The following CPE variants were observed in gnomAD, a reference collection of about 807,000 sequenced individuals.
CPE encodes the protein carbocypeptidase E.
CPE carries 17 observed loss-of-function variants against 53.5 expected under a neutral mutation model. The observed-to-expected ratio is 0.32, with a 90% CI of 0.22 to 0.48. CPE has a LOEUF of 0.48. Among genes scored for constraint, CPE ranks in the 20% least tolerant of loss-of-function variants. CPE has a pLI of 0.99. For synonymous variants in CPE, 226 were observed against 228.8 expected (o/e 0.99, Z 0.11); for missense variants, 524 against 614.7 (o/e 0.85, Z 1.56).
rs192827605 is a variant in CPE, at chr4:165,466,709, G to A, written c.505-979G>A. ...TTTTTTATATTTTTATTAGAGACGG[G>A]GTTTCATCATGTTGGCCAGGATGGT... On this transcript the variant is annotated intron_variant, in intron 2 of 8. Transcript: ENST00000402744. Among the ~76,000 whole-genome samples, 175 of 151,972 alleles carry A rather than the reference G, an allele frequency of 1.2e-3. 1 individual carries two copies. The highest frequency in any genetic ancestry group is 4.0e-3 in the African/African-American group (166 of 41,450).
chr4:165,389,188 T>C (rs1730642378), intron 1 of CPE, among the ~76,000 whole-genome samples: 1 of 152,218 alleles, frequency 6.6e-6, no homozygotes, highest in Non-Finnish European at 1.5e-5. Context: ...CTAAATAGAC[T>C]GAAATACGAT....
intron 1 of CPE, among the ~76,000 whole-genome samples, chr4:165,431,786 A>G (rs2126679970): frequency 6.6e-6 from 1 of 152,298 alleles, no homozygotes; most frequent in South Asian, 2.1e-4. Context: ...GTAAAGTGTG[A>G]TAAGGAGCCA....
At chr4:165,442,533 C>T (rs1347470636) in intron 1 of CPE, among the ~76,000 whole-genome samples, 1 of 152,108 alleles carries the variant, frequency 6.6e-6, no homozygotes, top group South Asian at 2.1e-4. Flanking sequence ...GCCCCATAAA[C>T]ATCAAAACAT....
rs1486239496 is a variant in CPE, at chr4:165,379,824, G to A, written c.307+296G>A. The stretch of plus-strand genomic sequence containing the variant: ...TAGGCTTGGGAGGCTGGGGTGGCGG[G>A]GGATGGGGGGGATAGCAATACAGAA... On this transcript the variant is annotated intron_variant, in intron 1 of 8. Transcript: ENST00000402744. This position sits in a 1 kb window ranked among gnomAD's most constrained non-coding sequence, Gnocchi z 6.0. 6.6e-6 allele frequency among the ~76,000 whole-genome samples: 1 copy of A among 152,142 alleles called. No homozygotes were observed. Among genetic ancestry groups the A allele is most frequent in the Non-Finnish European group, 1.5e-5 (1 of 68,040 alleles).
At chr4:165,493,529 A>C (rs1732646770) in intron 7 of CPE, among the ~76,000 whole-genome samples, 2 of 152,078 alleles carry the variant, frequency 1.3e-5, no homozygotes, top group Non-Finnish European at 2.9e-5. Context: ...CAGAGCTGGG[A>C]GGTGGTGCCA....
In CPE at chr4:165,467,797, G is replaced by T; in HGVS notation, c.614G>T (p.Gly205Val). The change falls in exon 3 of 9, where the codon GGT becomes GTT. Residue 205 changes from glycine to valine, a missense_variant. Coordinates refer to ENST00000402744, the MANE Select transcript of CPE (RefSeq NM_001873.4). ...ATAGTGTACGTGAATGAGAAAGAAGGTGGTCCAAATAATCATCTGTTGAAA... is the reference window on the plus strand; with the variant it reads ...ATAGTGTACGTGAATGAGAAAGAAGTTGGTCCAAATAATCATCTGTTGAAA... Reference protein sequence around the residue: ...DRIVYVNEKEGGPNNHLLKNM... With the variant: ...DRIVYVNEKEVGPNNHLLKNM... 1 of 1,613,770 alleles carries T rather than the reference G, an allele frequency of 6.2e-7. No homozygotes were observed. The highest frequency in any genetic ancestry group is 8.5e-7 in the Non-Finnish European group (1 of 1,179,824).
At chr4:165,431,561 G>A (rs1451943160) in intron 1 of CPE, among the ~76,000 whole-genome samples, 1 of 152,120 alleles carries the variant, frequency 6.6e-6, no homozygotes, top group Non-Finnish European at 1.5e-5. Context: ...AATAATAGGG[G>A]GAGATTTTCT....
Position 165,482,373 on chromosome 4 carries a change from C to G in CPE, c.790+14C>G, listed in dbSNP as rs745606793. Reference sequence around the variant, plus strand: ...AGACGCGGAGTGGTAGGTATTCTTTCTGCTTCTCTTATTGGTTCAAAGTTT... The same window carrying G: ...AGACGCGGAGTGGTAGGTATTCTTTGTGCTTCTCTTATTGGTTCAAAGTTT... On this transcript the variant is annotated intron_variant, in intron 4 of 8. Coordinates refer to ENST00000402744, the MANE Select transcript of CPE (RefSeq NM_001873.4). 1 of 1,547,962 alleles carries G rather than the reference C, an allele frequency of 6.5e-7. No homozygotes were observed.
intron 1 of CPE, among the ~76,000 whole-genome samples, chr4:165,455,548 A>T (rs932683554): frequency 3.3e-5 from 5 of 152,212 alleles, no homozygotes; most frequent in Non-Finnish European, 5.9e-5. Flanking sequence ...CTACAGAAAG[A>T]TTTCAAATCA....
At chr4:165,385,422 A>T (rs60185722) in intron 1 of CPE, among the ~76,000 whole-genome samples, 43,249 of 92,508 alleles carry the variant, frequency 0.47, 8,920 homozygotes, top group African/African-American at 0.68. Flanking sequence ...TTACTGTTTT[A>T]TTTTTGTTCA....
At chr4:165,492,514 G>C (rs866955979) in intron 6 of CPE, among the ~76,000 whole-genome samples, 1 of 152,078 alleles carries the variant, frequency 6.6e-6, no homozygotes, top group Non-Finnish European at 1.5e-5. Flanking sequence ...TTATTCAGCC[G>C]GGAGCATCGT....
chr4:165,449,543 G>T (rs1560885816), intron 1 of CPE, among the ~76,000 whole-genome samples: 1 of 152,152 alleles, frequency 6.6e-6, no homozygotes, highest in Non-Finnish European at 1.5e-5. Flanking sequence ...AGTGTGGTTG[G>T]TTGAGTGTTG....
At position 165,464,603 on chromosome 4, in the gene CPE, T is replaced by A; in HGVS notation, c.504+17T>A. Reference sequence around the variant, plus strand: ...GCGTCTCAGGTGAGTGCCAGGCAGCTCAGATCAGGCGTGCTTTCTTCATTT... The same window carrying A: ...GCGTCTCAGGTGAGTGCCAGGCAGCACAGATCAGGCGTGCTTTCTTCATTT... On this transcript the variant is annotated intron_variant, in intron 2 of 8. Transcript: ENST00000402744. 6.3e-7 allele frequency: 1 copy of A among 1,590,790 alleles called. No individual in the cohort carries two copies. Among genetic ancestry groups the A allele is most frequent in the Non-Finnish European group, 8.6e-7 (1 of 1,168,446 alleles).
rs1171853864 is a variant in CPE at position 165,459,686 on chromosome 4, G to T, written c.308-4704G>T. Among the ~76,000 whole-genome samples the T allele has an allele frequency of 2.7e-3, 311 of 116,574 alleles. 18 individuals carry two copies. Among genetic ancestry groups the T allele is most frequent in the African/African-American group, 0.01 (253 of 25,226 alleles). The allele number at this position is 116,574 out of a possible 152,430, so 76.5% of individuals were successfully genotyped here. A position where few individuals can be genotyped will look rare whatever the true frequency, so the allele number is the denominator to read the frequency against. On this transcript the variant is annotated intron_variant, in intron 1 of 8. Transcript: ENST00000402744. Reference sequence around the variant, plus strand: ...TGGGAGGGCTGGGTGGGGGGGGGCGGGGCAGATCATGAGGTCAGGAGGAGT... The same window carrying T: ...TGGGAGGGCTGGGTGGGGGGGGGCGTGGCAGATCATGAGGTCAGGAGGAGT...
chr4:165,491,126 A>G (rs1732596429), intron 6 of CPE, among the ~76,000 whole-genome samples: 1 of 152,196 alleles, frequency 6.6e-6, no homozygotes. Context: ...TTCTTTAACT[A>G]TTTGTTAAAC....
chr4:165,379,382 A>G lies in CPE; in HGVS notation c.161A>G (p.His54Arg). The change falls in exon 1 of 9, where the codon CAC (histidine) becomes CGC (arginine). Residue 54 changes from histidine to arginine, a missense_variant. Coordinates refer to ENST00000402744, the MANE Select transcript of CPE (RefSeq NM_001873.4). This position sits in a 1 kb window ranked among gnomAD's most constrained non-coding sequence, Gnocchi z 6.0. ...GAGGACGGCATCTCCTTCGAGTACCACCGCTACCCCGAGCTGCGCGAGGCG... is the reference window on the plus strand; with the variant it reads ...GAGGACGGCATCTCCTTCGAGTACCGCCGCTACCCCGAGCTGCGCGAGGCG... The part of the protein sequence containing the change: ...QQEDGISFEY[H>R]RYPELREALV... 6.2e-7 allele frequency: 1 copy of G among 1,607,650 alleles called. No individual in the cohort carries two copies. The highest frequency in any genetic ancestry group is 8.5e-7 in the Non-Finnish European group (1 of 1,178,322).
intron 1 of CPE, among the ~76,000 whole-genome samples, chr4:165,446,398 G>A (rs1384249539): frequency 1.3e-5 from 2 of 152,212 alleles, no homozygotes; most frequent in African/African-American, 2.4e-5. Flanking sequence ...CAAAGCATAA[G>A]ATTTGGCAAG....
At chr4:165,449,022 G>T (rs971062369) in intron 1 of CPE, among the ~76,000 whole-genome samples, 1 of 152,174 alleles carries the variant, frequency 6.6e-6, no homozygotes, top group African/African-American at 2.4e-5. Flanking sequence ...ACTTCTTAGC[G>T]TGTGTTTGTG....
intron 1 of CPE, among the ~76,000 whole-genome samples, chr4:165,454,545 C>T (rs971695714): frequency 1.3e-5 from 2 of 152,126 alleles, no homozygotes; most frequent in Admixed American, 6.5e-5. Flanking sequence ...AGTAAATTGA[C>T]GTTTTTCTCC....
Sources: gnomAD v4.1 joint callset for allele counts (sites outside exome capture counted in the v4.1 genomes callset) on GRCh38, gnomAD v4.1.1 for gene constraint, Gnocchi (gnomAD v3.1) non-coding constraint, MANE v1.5 for transcripts, NCBI Gene and HGNC (gene_info 2026-07-23, HGNC 2026-07-21) for gene names.